The following C2CD2 variants were observed in gnomAD, a reference collection of about 807,000 sequenced individuals.
C2CD2 encodes the protein C2 calcium dependent domain containing 2.
C2CD2 carries 43 observed loss-of-function variants against 74.3 expected under a neutral mutation model. The ratio of observed to expected loss-of-function variants is 0.58; its 90% CI spans 0.45 to 0.75. C2CD2 has a LOEUF of 0.75. Among genes scored for constraint, C2CD2 ranks in the 30% least tolerant of loss-of-function variants. The pLI, the probability that C2CD2 is intolerant of heterozygous loss-of-function variation, is 0.00. For missense variants in C2CD2, 801 were observed against 916.3 expected, an observed-to-expected ratio of 0.87 and a Z score of 1.63; for synonymous variants, 422 against 390.7, an observed-to-expected ratio of 1.08 and a Z score of -0.94.
intron 5 of C2CD2, among the ~76,000 whole-genome samples, chr21:41,917,371 T>C (rs1027783834): frequency 2.6e-5 from 4 of 152,242 alleles, no homozygotes; most frequent in Admixed American, 6.5e-5. Context: ...TATTTTATCA[T>C]GCTACATAAA....
Position 41,933,289 on chromosome 21 carries a change from C to T in C2CD2, c.378+8858G>A, listed in dbSNP as rs765652873. On this transcript the variant is annotated intron_variant, in intron 2 of 13. Coordinates refer to ENST00000380486, the MANE Select transcript of C2CD2 (RefSeq NM_015500.2). The stretch of plus-strand genomic sequence containing the variant: ...TTTTTTTTCCTTCTCAAGAATTATG[C>T]CCAGCTGAGGGAACACGAGGCGGTG... 1.3e-5 allele frequency among the ~76,000 whole-genome samples: 2 copies of T among 150,194 alleles called. 1 individual carries two copies. The highest frequency in any genetic ancestry group is 3.0e-5 in the Non-Finnish European group (2 of 67,202).
rs568495868 is a variant in C2CD2, at chr21:41,923,520, G to A, written c.379-1435C>T. 7.2e-5 allele frequency among the ~76,000 whole-genome samples: 11 copies of A among 152,202 alleles called. No homozygotes were observed. The highest frequency in any genetic ancestry group is 5.8e-4 in the East Asian group (3 of 5,184). On this transcript the variant is annotated intron_variant, in intron 2 of 13. Transcript: ENST00000380486. This position sits in a 1 kb window ranked among gnomAD's most constrained non-coding sequence, Gnocchi z 5.8. ...GCTTCCACCTAAATAATTTCGAGGC[G>A]ATCATGGTTTTCAAAAAGGTGGGAG...
chr21:41,920,105 C>G (rs1480795952), intron 3 of C2CD2, among the ~76,000 whole-genome samples: 1 of 152,154 alleles, frequency 6.6e-6, no homozygotes, highest in East Asian at 1.9e-4. Context: ...AACTCAGTCC[C>G]GTAATCCCAT....
At chr21:41,908,488 G>A (rs925687347) in intron 8 of C2CD2, 1 of 152,276 alleles carries the variant, frequency 6.6e-6, no homozygotes, top group African/African-American at 2.4e-5. Flanking sequence ...ATCAGAAGTT[G>A]ACTTCTCTCC....
In C2CD2 at chr21:41,901,734, T is replaced by C; in HGVS notation, c.1448A>G (p.Asn483Ser). 1 of 1,614,028 alleles carries C rather than the reference T, an allele frequency of 6.2e-7. No homozygotes were observed. The highest frequency in any genetic ancestry group is 1.1e-5 in the South Asian group (1 of 91,086). ...SSSDTELLVL[N>S]GSDPVAEVAI... is the part of the protein sequence containing the mutation. ...CACTTCAGCCACTGGATCCGAACCA[T>C]TCAACACCAACAATTCTACCAGAAG... The change falls in exon 12 of 14, where the codon AAT becomes AGT. Residue 483 changes from asparagine to serine, a missense_variant. Physicochemically the swap from Asn to Ser is conservative, Grantham distance 46 (BLOSUM62 1). Transcript: ENST00000380486.
At chr21:41,937,606 T>C (rs1388065376) in intron 2 of C2CD2, among the ~76,000 whole-genome samples, 1 of 152,174 alleles carries the variant, frequency 6.6e-6, no homozygotes, top group Non-Finnish European at 1.5e-5. Flanking sequence ...CTAACCCTCA[T>C]GCTGTTCAAG....
intron 1 of C2CD2, among the ~76,000 whole-genome samples, chr21:41,943,550 A>C (rs769219292): frequency 1.3e-5 from 2 of 152,186 alleles, no homozygotes; most frequent in Non-Finnish European, 2.9e-5. Flanking sequence ...GGGTGGTTAA[A>C]AAACACACAG....
At position 41,926,466 on chromosome 21, in the gene C2CD2, G is replaced by T. The variant is rs747435138; in HGVS notation, c.379-4381C>A. 11 of 917,094 alleles carry T rather than the reference G, an allele frequency of 1.2e-5. No individual in the cohort carries two copies. Among genetic ancestry groups the T allele is most frequent in the Non-Finnish European group, 1.4e-5 (11 of 767,812 alleles). The allele number at this position is 917,094 out of a possible 1,614,324, so 56.8% of individuals were successfully genotyped here. ...AGCAGATGGAAGCACCACGGGGAGG[G>T]GAAAACAAGACTGAAGGCTGAAGAG... On this transcript the variant is annotated intron_variant, in intron 2 of 13. Coordinates refer to ENST00000380486, the MANE Select transcript of C2CD2 (RefSeq NM_015500.2). This position sits in a 1 kb window ranked among gnomAD's most constrained non-coding sequence, Gnocchi z 8.0.
intron 1 of C2CD2, chr21:41,942,826 T>C (rs1427761015): frequency 2.9e-5 from 8 of 276,454 alleles, no homozygotes; most frequent in Non-Finnish European, 4.4e-5. Context: ...CCAAGATTCC[T>C]TGGCTGGAAA....
rs1354286734 is a variant in C2CD2, at chr21:41,889,821, G to A, written c.1871-477C>T. Among the ~76,000 whole-genome samples, 21 of 152,060 alleles carry A rather than the reference G, an allele frequency of 1.4e-4. No individual in the cohort carries two copies. The East Asian group carries it at 4.1e-3, about 30-fold the overall frequency. On this transcript the variant is annotated intron_variant, in intron 13 of 13. Coordinates refer to ENST00000380486, the MANE Select transcript of C2CD2 (RefSeq NM_015500.2). ...CTAATTTTTTTGTATTTCTAGTAGAGACAGGGTTTCACCATGTTGGTCAGG... is the reference window on the plus strand; with the variant it reads ...CTAATTTTTTTGTATTTCTAGTAGAAACAGGGTTTCACCATGTTGGTCAGG...
rs1037352729 is a variant in C2CD2 at position 41,953,583 on chromosome 21, G to T, written c.66C>A (p.Phe22Leu). ...GGCCTACCGTGGCCAGGGCCGCGACGAAGAGCGACACCAGCGCGAGCCACT... is the reference window on the plus strand; with the variant it reads ...GGCCTACCGTGGCCAGGGCCGCGACTAAGAGCGACACCAGCGCGAGCCACT... ...EAQWLALVSL[F>L]VAALATVGLY... is the part of the protein sequence containing the mutation. Residue 22 changes from phenylalanine to leucine, a missense_variant, in exon 1 of 14, where the codon TTC becomes TTA. Coordinates refer to ENST00000380486, the MANE Select transcript of C2CD2 (RefSeq NM_015500.2). 8.7e-6 allele frequency: 13 copies of T among 1,499,098 alleles called. No individual in the cohort carries two copies. Among genetic ancestry groups the T allele is most frequent in the Non-Finnish European group, 1.1e-5 (13 of 1,133,458 alleles). The allele number at this position is 1,499,098 out of a possible 1,614,324, so 92.9% of individuals were successfully genotyped here.
chr21:41,949,959 C>G (rs993657487), intron 1 of C2CD2, among the ~76,000 whole-genome samples: 1 of 152,018 alleles, frequency 6.6e-6, no homozygotes, highest in Non-Finnish European at 1.5e-5. Context: ...GGACACAGGG[C>G]GGGCAACATC....
intron 1 of C2CD2, among the ~76,000 whole-genome samples, chr21:41,947,746 A>C (rs549295984): frequency 6.6e-6 from 1 of 152,106 alleles, no homozygotes; most frequent in Non-Finnish European, 1.5e-5. Context: ...AGGAGAGTGG[A>C]TTTTGTTTTC....
chr21:41,893,543 C>T (rs949929761), intron 13 of C2CD2, among the ~76,000 whole-genome samples: 1 of 151,966 alleles, frequency 6.6e-6, no homozygotes, highest in African/African-American at 2.4e-5. Flanking sequence ...TGTCCATACC[C>T]TGAGGGACTA....
intron 13 of C2CD2, 79 bp downstream of exon 13, chr21:41,898,974 A>G: frequency 9.3e-7 from 1 of 1,079,914 alleles, no homozygotes. Flanking sequence ...AGGAAGGCAG[A>G]TGACTTCAGC....
Position 41,939,534 on chromosome 21 carries a change from G to A in C2CD2, c.378+2613C>T, listed in dbSNP as rs2146223577. On this transcript the variant is annotated intron_variant, in intron 2 of 13. Transcript: ENST00000380486. This position sits in a 1 kb window ranked among gnomAD's most constrained non-coding sequence, Gnocchi z 5.5. The stretch of plus-strand genomic sequence containing the variant: ...GGCACTTCCAAAGCAGCGGGCTCCA[G>A]GAGGGCAGGCCCACGGCTCTCTGCA... Among the ~76,000 whole-genome samples the A allele has an allele frequency of 6.6e-6, 1 of 152,302 alleles. No individual in the cohort carries two copies. Among genetic ancestry groups the A allele is most frequent in the East Asian group, 1.9e-4 (1 of 5,164 alleles).
intron 11 of C2CD2, among the ~76,000 whole-genome samples, chr21:41,902,978 G>A (rs1470571607): frequency 6.6e-6 from 1 of 152,086 alleles, no homozygotes; most frequent in Non-Finnish European, 1.5e-5. Context: ...AAGGGAAAGG[G>A]GCTAGAGATT....
intron 13 of C2CD2, among the ~76,000 whole-genome samples, chr21:41,896,536 C>A (rs1166702256): frequency 6.6e-6 from 1 of 152,128 alleles, no homozygotes; most frequent in Admixed American, 6.5e-5. Context: ...CCACGACCAA[C>A]TTCACTGATC....
intron 5 of C2CD2, 24 bp downstream of exon 5, chr21:41,918,081 C>A: frequency 6.2e-7 from 1 of 1,613,746 alleles, no homozygotes. Context: ...TTCAGATGCA[C>A]CCACAGCACC....
Sources: allele counts gnomAD v4.1 joint callset (sites outside exome capture counted in the v4.1 genomes callset), GRCh38; gene constraint gnomAD v4.1.1; non-coding constraint Gnocchi (gnomAD v3.1); transcripts MANE v1.5; gene names NCBI Gene and HGNC (gene_info 2026-07-23, HGNC 2026-07-21).